Variants in TAF3 observed in about 807,000 individuals in gnomAD.
TAF3 encodes transcription initiation factor TFIID subunit 3.
A neutral mutation model predicts 80.6 loss-of-function variants in TAF3; 7 were observed. The observed-to-expected ratio is 0.09, with a 90% confidence interval of 0.05 to 0.16. The LOEUF (loss-of-function observed/expected upper bound fraction) is 0.16, where lower values mean the gene tolerates loss of function less well. Ranked by LOEUF, TAF3 falls within the 10% of genes least tolerant of loss-of-function variation. The pLI is 1.00. For synonymous variants in TAF3, 444 were observed against 446.1 expected, an observed-to-expected ratio of 1.00 and a Z score of 0.06; for missense variants, 921 against 1,140.2, an observed-to-expected ratio of 0.81 and a Z score of 2.77.
At chr10:7,866,002 A>C (rs1191952727) in intron 2 of TAF3, among the ~76,000 whole-genome samples, 1 of 152,212 alleles carries the variant, frequency 6.6e-6, no homozygotes, top group Non-Finnish European at 1.5e-5. Context: ...CGTTTTACCC[A>C]ATAGCATATC....
chr10:7,999,968 A>G (rs1831927595), intron 4 of TAF3, among the ~76,000 whole-genome samples: 1 of 152,232 alleles, frequency 6.6e-6, no homozygotes, highest in Non-Finnish European at 1.5e-5. Flanking sequence ...AAGGCTTTTT[A>G]ACCAAGCTAT....
At chr10:7,896,964 T>C (rs1261316545) in intron 2 of TAF3, among the ~76,000 whole-genome samples, 1 of 152,212 alleles carries the variant, frequency 6.6e-6, no homozygotes, top group Non-Finnish European at 1.5e-5. Flanking sequence ...TACCTGTTCC[T>C]GGCTGGCCGT....
At chr10:8,002,614 G>C (rs1831954895) in intron 4 of TAF3, among the ~76,000 whole-genome samples, 1 of 152,140 alleles carries the variant, frequency 6.6e-6, no homozygotes, top group African/African-American at 2.4e-5. Flanking sequence ...AATTGGGTCA[G>C]TTTCTTTCAT....
chr10:7,846,973 CT>C (rs1213662689), intron 2 of TAF3, among the ~76,000 whole-genome samples: 1 of 152,130 alleles, frequency 6.6e-6, no homozygotes, highest in Admixed American at 6.5e-5. Flanking sequence ...CTGGAAACAC[CT>C]TCTTTTTAGT....
At chr10:7,867,547 A>C (rs1461018770) in intron 2 of TAF3, among the ~76,000 whole-genome samples, 2 of 152,120 alleles carry the variant, frequency 1.3e-5, no homozygotes, top group Non-Finnish European at 2.9e-5. Context: ...GGGTGTGTAG[A>C]ATATAAGGAA....
intron 2 of TAF3, among the ~76,000 whole-genome samples, chr10:7,939,922 A>G (rs1382823288): frequency 6.6e-6 from 1 of 152,254 alleles, no homozygotes; most frequent in Non-Finnish European, 1.5e-5. Context: ...AAATAACACA[A>G]GAAAATTTTT....
intron 2 of TAF3, among the ~76,000 whole-genome samples, chr10:7,826,267 T>G (rs185374142): frequency 7.2e-5 from 11 of 152,116 alleles, no homozygotes; most frequent in African/African-American, 2.7e-4. Context: ...ACTTTGATCA[T>G]AATCTACACT....
intron 4 of TAF3, among the ~76,000 whole-genome samples, chr10:7,998,050 A>T (rs1415629659): frequency 6.6e-6 from 1 of 151,864 alleles, no homozygotes; most frequent in Non-Finnish European, 1.5e-5. Flanking sequence ...ACCTTAGCTT[A>T]AGTCAAACTT....
chr10:7,923,780 C>T (rs1837789789), intron 2 of TAF3, among the ~76,000 whole-genome samples: 1 of 151,814 alleles, frequency 6.6e-6, no homozygotes, highest in Admixed American at 6.6e-5. Context: ...GTTGATCATC[C>T]ATTGTATTAG....
intron 2 of TAF3, among the ~76,000 whole-genome samples, chr10:7,922,955 C>A (rs184491369): frequency 1.3e-5 from 2 of 152,106 alleles, no homozygotes; most frequent in East Asian, 1.9e-4. Flanking sequence ...ACACTTAAAC[C>A]GCTTAATAAC....
At chr10:7,961,633 T>G (rs1831500681) in intron 2 of TAF3, among the ~76,000 whole-genome samples, 1 of 152,180 alleles carries the variant, frequency 6.6e-6, no homozygotes, top group Admixed American at 6.5e-5. Context: ...CATGGTGACT[T>G]TAGTTATCTC....
At chr10:7,946,477 A>T (rs1054803292) in intron 2 of TAF3, among the ~76,000 whole-genome samples, 4 of 152,218 alleles carry the variant, frequency 2.6e-5, no homozygotes, top group Non-Finnish European at 5.9e-5. Context: ...TAATCCCAGC[A>T]CATTGGGAGG....
In TAF3 at chr10:7,954,880, A is replaced by G. The variant is rs1388032364; in HGVS notation, c.410-9040A>G. Among the ~76,000 whole-genome samples the G allele has an allele frequency of 2.1e-5, 3 of 141,474 alleles. 1 individual carries two copies. Among genetic ancestry groups the G allele is most frequent in the Non-Finnish European group, 3.1e-5 (2 of 64,398 alleles). 92.8% of individuals were successfully genotyped at this position (141,474 alleles called of 152,430 possible). On this transcript the variant is annotated intron_variant, in intron 2 of 6. Transcript: ENST00000344293. ...CACTCCATAGGTGAATGAGTGAATT[A>G]GTTCTAGTTAACACAGAGCTCTCCA...
intron 2 of TAF3, among the ~76,000 whole-genome samples, chr10:7,879,927 G>C (rs1176031845): frequency 1.3e-5 from 2 of 152,112 alleles, no homozygotes; most frequent in African/African-American, 2.4e-5. Context: ...AATAAAACCT[G>C]GCTGGGCACG....
intron 3 of TAF3, among the ~76,000 whole-genome samples, chr10:7,967,491 A>G (rs375803124): frequency 6.6e-6 from 1 of 152,204 alleles, no homozygotes; most frequent in Non-Finnish European, 1.5e-5. Flanking sequence ...CACAGAGTCC[A>G]CCTGAGAGAA....
intron 2 of TAF3, among the ~76,000 whole-genome samples, chr10:7,860,723 A>G (rs1837135702): frequency 6.6e-6 from 1 of 152,144 alleles, no homozygotes; most frequent in Non-Finnish European, 1.5e-5. Context: ...GTTTTAATCC[A>G]TCTCAATTAT....
chr10:7,941,185 A>G (rs1837972621), intron 2 of TAF3, among the ~76,000 whole-genome samples: 1 of 152,172 alleles, frequency 6.6e-6, no homozygotes, highest in African/African-American at 2.4e-5. Context: ...TTTCAGGAGG[A>G]TTAATCCAGC....
intron 2 of TAF3, among the ~76,000 whole-genome samples, chr10:7,936,997 G>A (rs7900324): frequency 0.55 from 83,900 of 151,910 alleles, 24,716 homozygotes; most frequent in East Asian, 0.71. Context: ...AGATTCCTCT[G>A]TATCTTTTTA....
intron 2 of TAF3, among the ~76,000 whole-genome samples, chr10:7,945,003 A>G (rs1564368713): frequency 1.3e-5 from 2 of 152,234 alleles, no homozygotes; most frequent in African/African-American, 4.8e-5. Context: ...TATGGGCAGC[A>G]TGAAAACATA....
Sources: gnomAD v4.1 joint callset for allele counts (sites outside exome capture counted in the v4.1 genomes callset) on GRCh38, gnomAD v4.1.1 for gene constraint, MANE v1.5 for transcripts, NCBI Gene and HGNC (gene_info 2026-07-23, HGNC 2026-07-21) for gene names.